Variants in SLC6A18 observed in about 807,000 individuals in gnomAD.
SLC6A18 encodes solute carrier family 6 member 18.
Under a neutral mutation model 62.9 loss-of-function variants are expected in SLC6A18, and 58 were observed. The ratio of observed to expected loss-of-function variants is 0.92; its 90% CI spans 0.75 to 1.15. The LOEUF is 1.15. Ranked by LOEUF, SLC6A18 falls within the 50% of genes most tolerant of loss-of-function variation. The pLI, the probability that SLC6A18 is intolerant of heterozygous loss-of-function variation, is 0.00. For synonymous variants in SLC6A18, 382 were observed against 365.8 expected, an observed-to-expected ratio of 1.04 and a Z score of -0.51; for missense variants, 793 against 836.6, an observed-to-expected ratio of 0.95 and a Z score of 0.64.
intron 3 of SLC6A18, 113 bp downstream of exon 3, chr5:1,233,001 G>T: frequency 3.4e-6 from 5 of 1,458,226 alleles, no homozygotes; most frequent in Non-Finnish European, 4.6e-6. Flanking sequence ...CGCGGGGGGA[G>T]GGCCGGGGAA....
chr5:1,227,100 G>A (rs1226312217), intron 1 of SLC6A18, among the ~76,000 whole-genome samples: 3 of 78,510 alleles, frequency 3.8e-5, no homozygotes, highest in African/African-American at 1.3e-4. Context: ...CTTGCCCGCC[G>A]ACGCCTTGCC....
chr5:1,245,941 G>A lies in SLC6A18; in HGVS notation c.1750G>A (p.Val584Met), dbSNP rs888641218. The A allele has an allele frequency of 1.2e-6, 2 of 1,603,500 alleles. No homozygotes were observed. Among genetic ancestry groups the A allele is most frequent in the South Asian group, 1.1e-5 (1 of 90,904 alleles). ...LSLLPVLWVPVAALAQLLTRR... is the reference protein window; with the variant it reads ...LSLLPVLWVPMAALAQLLTRR... ...CTTGCTGCCCGTGCTGTGGGTCCCG[G>A]TGGCCGCGCTTGCTCAGCTGCTCAC... Residue 584 changes from valine to methionine, a missense_variant, in exon 12 of 12, where the codon GTG becomes ATG. Physicochemically the swap from Val to Met is conservative, Grantham distance 21. Coordinates refer to ENST00000324642, the MANE Select transcript of SLC6A18 (RefSeq NM_182632.3).
intron 4 of SLC6A18, among the ~76,000 whole-genome samples, chr5:1,237,079 A>T (rs1225591239): frequency 9.7e-5 from 7 of 72,494 alleles, no homozygotes; most frequent in African/African-American, 3.4e-4. Context: ...ACTAAAAATA[A>T]AAAAAAAAAA....
chr5:1,240,405 G>T, intron 6 of SLC6A18, 126 bp from the exon 7 acceptor site: 1 of 1,413,040 alleles, frequency 7.1e-7, no homozygotes, highest in Non-Finnish European at 9.6e-7. Flanking sequence ...GCAGCCCTTG[G>T]GTCAGAGAAG....
In SLC6A18 at chr5:1,243,893, A is replaced by T. The variant is rs1190158138; in HGVS notation, c.1336+134A>T. On this transcript the variant is annotated intron_variant, in intron 9 of 11. Coordinates refer to ENST00000324642, the MANE Select transcript of SLC6A18 (RefSeq NM_182632.3). This position sits in a 1 kb window ranked among gnomAD's most constrained non-coding sequence, Gnocchi z 6.5. ...CCTGAGTTCAGGGAAAGGCTGAGCCAGGCTACTCCTTGCTGACAGCCATCA... is the reference window on the plus strand; with the variant it reads ...CCTGAGTTCAGGGAAAGGCTGAGCCTGGCTACTCCTTGCTGACAGCCATCA... The T allele has an allele frequency of 2.2e-6, 2 of 916,200 alleles. No individual in the cohort carries two copies. Among genetic ancestry groups the T allele is most frequent in the South Asian group, 3.5e-5 (2 of 56,778 alleles). The allele number at this position is 916,200 out of a possible 1,614,324, so 56.8% of individuals were successfully genotyped here. A position where few individuals can be genotyped will look rare whatever the true frequency, so the allele number is the denominator to read the frequency against.
Position 1,244,304 on chromosome 5 carries a change from C to G in SLC6A18, c.1427C>G (p.Ala476Gly), listed in dbSNP as rs749930820. The G allele has an allele frequency of 3.7e-6, 6 of 1,614,110 alleles. No individual in the cohort carries two copies. Among genetic ancestry groups the G allele is most frequent in the Non-Finnish European group, 5.1e-6 (6 of 1,180,004 alleles). ...YWLEIFDNFAASPNLLMLAFL... is the reference protein window; with the variant it reads ...YWLEIFDNFAGSPNLLMLAFL... Reference sequence around the variant, plus strand: ...CTGGAGATTTTCGACAATTTTGCCGCTTCCCCGAACCTGCTCATGTTGGCC... The same window carrying G: ...CTGGAGATTTTCGACAATTTTGCCGGTTCCCCGAACCTGCTCATGTTGGCC... Residue 476 changes from alanine (A) to glycine (G), a missense_variant, in exon 10 of 12, where the codon GCT becomes GGT. Ala to Gly is a moderately conservative substitution (Grantham distance 60). Transcript: ENST00000324642.
At chr5:1,231,377 C>T (rs1286864395) in intron 1 of SLC6A18, among the ~76,000 whole-genome samples, 6 of 152,154 alleles carry the variant, frequency 3.9e-5, no homozygotes, top group Non-Finnish European at 7.4e-5. Flanking sequence ...GGTACAGAGG[C>T]CCGAGATGCC....
intron 3 of SLC6A18, 107 bp downstream of exon 3, chr5:1,232,995 G>T: frequency 6.8e-7 from 1 of 1,475,310 alleles, no homozygotes. Flanking sequence ...GCTCACCGCG[G>T]GGGGAGGGCC....
At position 1,239,005 on chromosome 5, in the gene SLC6A18, G is replaced by T. The variant is rs570139208; in HGVS notation, c.733-445G>T. The stretch of plus-strand genomic sequence containing the variant: ...TGGGCACCTGGGTATGGGCATGTCT[G>T]CCCGGAGTCCTAGCAAAAGACAGAG... On this transcript the variant is annotated intron_variant, in intron 5 of 11. Transcript: ENST00000324642. Among the ~76,000 whole-genome samples the T allele has an allele frequency of 2.6e-3, 391 of 152,336 alleles. 1 individual carries two copies. The highest frequency in any genetic ancestry group is 4.7e-3 in the Non-Finnish European group (318 of 68,034).
At chr5:1,234,599 C>A (rs1212680278) in intron 3 of SLC6A18, among the ~76,000 whole-genome samples, 2 of 152,252 alleles carry the variant, frequency 1.3e-5, no homozygotes, top group Non-Finnish European at 2.9e-5. Context: ...TCTCAATGCA[C>A]ACGGCAGGGC....
chr5:1,228,971 C>G (rs1746654541), intron 1 of SLC6A18, among the ~76,000 whole-genome samples: 1 of 152,238 alleles, frequency 6.6e-6, no homozygotes, highest in Admixed American at 6.5e-5. Context: ...GACTGACTGT[C>G]TCTTCCTGCG....
Position 1,240,613 on chromosome 5 carries a change from G to T in SLC6A18, c.928G>T (p.Val310Phe). Reference sequence around the variant, plus strand: ...GTACGCGTCCATCGCTGTCTTCTCTGTCCTGGGGTTCAAAGCAACTAATGA... The same window carrying T: ...GTACGCGTCCATCGCTGTCTTCTCTTTCCTGGGGTTCAAAGCAACTAATGA... ...SLYASIAVFS[V>F]LGFKATNDYE... Residue 310 changes from valine to phenylalanine, a missense_variant, in exon 7 of 12, where the codon GTC becomes TTC. By Grantham distance (50) the Val-to-Phe change is conservative. Transcript: ENST00000324642. 6.2e-7 allele frequency: 1 copy of T among 1,614,160 alleles called. No individual in the cohort carries two copies. Among genetic ancestry groups the T allele is most frequent in the Admixed American group, 1.7e-5 (1 of 60,024 alleles).
chr5:1,228,993 A>C (rs978229126), intron 1 of SLC6A18, among the ~76,000 whole-genome samples: 2 of 152,226 alleles, frequency 1.3e-5, no homozygotes, highest in Non-Finnish European at 2.9e-5. Context: ...ATTCAACGTA[A>C]AGACTGCCCA....
chr5:1,243,661 T>C lies in SLC6A18; in HGVS notation c.1238T>C (p.Leu413Ser), dbSNP rs965264111. The change falls in exon 9 of 12, where the codon TTG becomes TCG. Residue 413 changes from leucine to serine, a missense_variant. Physicochemically the swap from Leu to Ser is moderately radical, Grantham distance 145. Transcript: ENST00000324642. The surrounding 1 kb of genome is among the most constrained non-coding windows in gnomAD (Gnocchi z 6.5). ...CTCTTCTTCGGGATGCTGTTCACCT[T>C]GGGGCTATCGACCATGTTCGGGACC... The part of the protein sequence containing the change: ...AMLFFGMLFT[L>S]GLSTMFGTVE... The C allele has an allele frequency of 6.2e-7, 1 of 1,614,062 alleles. No homozygotes were observed. The highest frequency in any genetic ancestry group is 8.5e-7 in the Non-Finnish European group (1 of 1,179,990).
At position 1,241,337 on chromosome 5, in the gene SLC6A18, C is replaced by A. The variant is rs1747054810; in HGVS notation, c.974+678C>A. On this transcript the variant is annotated intron_variant, in intron 7 of 11. Coordinates refer to ENST00000324642, the MANE Select transcript of SLC6A18 (RefSeq NM_182632.3). This position sits in a 1 kb window ranked among gnomAD's most constrained non-coding sequence, Gnocchi z 7.8. ...CCTGCAACATGGGGTGACTCTGACC[C>A]CACCAGGGTACATCTGGCAGTATAT... Among the ~76,000 whole-genome samples, 1 of 152,200 alleles carries A rather than the reference C, an allele frequency of 6.6e-6. No individual in the cohort carries two copies. Among genetic ancestry groups the A allele is most frequent in the Admixed American group, 6.5e-5 (1 of 15,270 alleles).
rs759491719 is a variant in SLC6A18, at chr5:1,238,056, C to T, written c.728C>T (p.Pro243Leu). The T allele has an allele frequency of 7.4e-6, 12 of 1,613,104 alleles. No individual in the cohort carries two copies. In the Admixed American group the frequency reaches 1.8e-4, roughly 25 times the overall value. ...AAAGGACTCATCTACTTGTTCACTC[C>T]CAACGTAAGTGGGTCTTGGATCAAA... ...ATKGLIYLFT[P>L]NMHILQNPRV... The change falls in exon 5 of 12, where the codon CCC (proline) becomes CTC (leucine). Residue 243 changes from proline (P) to leucine (L), a missense_variant. Physicochemically the swap from Pro to Leu is moderately conservative, Grantham distance 98. Coordinates refer to ENST00000324642, the MANE Select transcript of SLC6A18 (RefSeq NM_182632.3).
At position 1,242,776 on chromosome 5, in the gene SLC6A18, C is replaced by T. The variant is rs764244944; in HGVS notation, c.1044C>T (p.Ala348=). 6.8e-6 allele frequency: 11 copies of T among 1,613,928 alleles called. No homozygotes were observed. Among genetic ancestry groups the T allele is most frequent in the South Asian group, 3.3e-5 (3 of 91,058 alleles). Residue 348 remains alanine, a synonymous_variant, in exon 8 of 12, where the codon GCC becomes GCT. Transcript: ENST00000324642. ...EQSISRDDYP[A]VLMHLNATWP... ...GCATCTCCAGGGACGACTACCCAGC[C>T]GTCCTCATGCACCTGAACGCCACCT...
chr5:1,240,517 G>A lies in SLC6A18; in HGVS notation c.846-14G>A. On this transcript the variant is annotated splice_polypyrimidine_tract_variant and intron_variant, in intron 6 of 11. Coordinates refer to ENST00000324642, the MANE Select transcript of SLC6A18 (RefSeq NM_182632.3). ...CTCCTGCAAAGCCTGTGATGAGCGT[G>A]CGTTTGTGCCCAGGAATGACTGCCA... 6.2e-7 allele frequency: 1 copy of A among 1,613,986 alleles called. No individual in the cohort carries two copies. Among genetic ancestry groups the A allele is most frequent in the East Asian group, 2.2e-5 (1 of 44,882 alleles).
intron 1 of SLC6A18, among the ~76,000 whole-genome samples, chr5:1,231,858 G>A (rs561371772): frequency 6.6e-6 from 1 of 152,248 alleles, no homozygotes; most frequent in African/African-American, 2.4e-5. Flanking sequence ...CCCACTGCCG[G>A]CCACAGCAGC....
Sources: allele counts gnomAD v4.1 joint callset (sites outside exome capture counted in the v4.1 genomes callset), GRCh38; gene constraint gnomAD v4.1.1; non-coding constraint Gnocchi (gnomAD v3.1); transcripts MANE v1.5; gene names NCBI Gene and HGNC (gene_info 2026-07-23, HGNC 2026-07-21).